TMPRSS13: variants seen among roughly 807,000 people sequenced by gnomAD.
The protein encoded by TMPRSS13 is transmembrane serine protease 13, also known as transmembrane protease serine 13.
TMPRSS13 carries 50 observed loss-of-function variants against 68.4 expected under a neutral mutation model. The observed-to-expected ratio is 0.73, with a 90% CI of 0.58 to 0.93. The LOEUF is 0.93. TMPRSS13 is among the 40% of genes least tolerant of loss of function. The pLI is 0.00. For synonymous variants in TMPRSS13, 267 were observed against 285.8 expected (o/e 0.93, Z 0.66); for missense variants, 615 against 729.2 (o/e 0.84, Z 1.80).
At chr11:117,904,740 CTTGT>C (rs140566079) in intron 10 of TMPRSS13, among the ~76,000 whole-genome samples, 2,614 of 151,856 alleles carry the variant, frequency 0.017, 84 homozygotes, top group African/African-American at 0.06. Context: ...ACTTCATCAT[CTTGT>C]TTAAGGCCAG....
chr11:117,907,907 G>GAATT (rs1004350533), intron 9 of TMPRSS13: 7 of 985,612 alleles, frequency 7.1e-6, no homozygotes, highest in Non-Finnish European at 7.2e-6. Flanking sequence ...GTGAATGAAT[G>GAATT]AATGAATGAA....
At position 117,902,188 on chromosome 11, in the gene TMPRSS13, G is replaced by A; in HGVS notation, c.*51C>T. 1 of 1,610,806 alleles carries A rather than the reference G, an allele frequency of 6.2e-7. No individual in the cohort carries two copies. The highest frequency in any genetic ancestry group is 1.1e-5 in the South Asian group (1 of 90,888). On this transcript the variant is annotated 3_prime_UTR_variant, in exon 13 of 13. Transcript: ENST00000524993. ...GATGCCACACATGGCCAGTCACCAT[G>A]GCCAGAGTCTTCACAGCAGCCGGTG...
At chr11:117,909,774 A>G (rs2057501707) in intron 8 of TMPRSS13, 32 bp downstream of exon 8, 1 of 1,594,084 alleles carries the variant, frequency 6.3e-7, no homozygotes. Context: ...GACCCTGGGC[A>G]GTGTCAAATC....
chr11:117,905,562 A>T (rs570619497), intron 10 of TMPRSS13, 76 bp downstream of exon 10: 4 of 1,278,066 alleles, frequency 3.1e-6, no homozygotes, highest in Non-Finnish European at 4.4e-6. Flanking sequence ...ACCCAGACAC[A>T]TTGCTTACAC....
chr11:117,918,133 T>C (rs2057597230), intron 2 of TMPRSS13, among the ~76,000 whole-genome samples: 1 of 152,194 alleles, frequency 6.6e-6, no homozygotes, highest in African/African-American at 2.4e-5. Flanking sequence ...ACCGGTGCTC[T>C]GACCTGGGTT....
At chr11:117,918,269 T>A in intron 2 of TMPRSS13, 140 bp downstream of exon 2, 1 of 1,061,492 alleles carries the variant, frequency 9.4e-7, no homozygotes, top group Non-Finnish European at 1.3e-6. Flanking sequence ...CACCCTCAGG[T>A]CCCTCACTTC....
chr11:117,901,083 A>G lies in TMPRSS13; in HGVS notation c.*1156T>C, dbSNP rs1167189797. 1 of 152,222 alleles carries G rather than the reference A, an allele frequency of 6.6e-6. No homozygotes were observed. Among genetic ancestry groups the G allele is most frequent in the African/African-American group, 2.4e-5 (1 of 41,440 alleles). The allele number at this position is 152,222 out of a possible 1,614,324, so 9.4% of individuals were successfully genotyped here. On this transcript the variant is annotated 3_prime_UTR_variant, in exon 13 of 13. Transcript: ENST00000524993. ...ACCATGTTAGCTTTCTCTCCATAGC[A>G]GTTTTTATGTCATTGCTATGTTTCT...
At chr11:117,919,761 T>C (rs578063752) in intron 1 of TMPRSS13, among the ~76,000 whole-genome samples, 6 of 152,248 alleles carry the variant, frequency 3.9e-5, no homozygotes, top group East Asian at 1.9e-4. Context: ...ATTTTACAGA[T>C]AGGAAAGCCA....
intron 9 of TMPRSS13, among the ~76,000 whole-genome samples, chr11:117,905,987 C>T (rs1376243533): frequency 6.6e-6 from 1 of 152,230 alleles, no homozygotes; most frequent in Non-Finnish European, 1.5e-5. Flanking sequence ...TCAGTGGTTG[C>T]CCTGTGGTCA....
chr11:117,913,863 C>T lies in TMPRSS13; in HGVS notation c.723G>A (p.Gly241=). ...WDKSLLKIYS[G]SSHQWLPICS... ...AGATGGGAAGCCACTGATGGGAGGA[C>T]CCAGAGTAGATTTTAAGCAGAGACT... Residue 241 remains glycine, a synonymous_variant, in exon 5 of 13, where the codon GGG becomes GGA. Coordinates refer to ENST00000524993, the MANE Select transcript of TMPRSS13 (RefSeq NM_001077263.3). The T allele has an allele frequency of 1.2e-6, 2 of 1,613,992 alleles. No individual in the cohort carries two copies. Among genetic ancestry groups the T allele is most frequent in the Non-Finnish European group, 1.7e-6 (2 of 1,179,988 alleles).
rs2057412812 is a variant in TMPRSS13, at chr11:117,901,900, C to T, written c.*339G>A. 6 of 353,666 alleles carry T rather than the reference C, an allele frequency of 1.7e-5. No individual in the cohort carries two copies. Among genetic ancestry groups the T allele is most frequent in the Non-Finnish European group, 3.2e-5 (6 of 187,800 alleles). The allele number at this position is 353,666 out of a possible 1,614,324, so 21.9% of individuals were successfully genotyped here. On this transcript the variant is annotated 3_prime_UTR_variant, in exon 13 of 13. Coordinates refer to ENST00000524993, the MANE Select transcript of TMPRSS13 (RefSeq NM_001077263.3). Reference sequence around the variant, plus strand: ...GGGTCAGAGAAGCAAGAATTCCCAGCTCTTCCTTGGGCTCTGGGCTCCACC... The same window carrying T: ...GGGTCAGAGAAGCAAGAATTCCCAGTTCTTCCTTGGGCTCTGGGCTCCACC...
At chr11:117,908,477 C>G (rs1281141479) in intron 9 of TMPRSS13, 135 bp downstream of exon 9, 1 of 922,324 alleles carries the variant, frequency 1.1e-6, no homozygotes, top group South Asian at 1.5e-5. Context: ...ATGTAAGGAT[C>G]TTTAAGAGTC....
At position 117,905,777 on chromosome 11, in the gene TMPRSS13, G is replaced by T. The variant is rs763893712; in HGVS notation, c.1283-41C>A. On this transcript the variant is annotated intron_variant, in intron 9 of 12. Coordinates refer to ENST00000524993, the MANE Select transcript of TMPRSS13 (RefSeq NM_001077263.3). ...CAGACGTCAGTGAAGGAACAAGGCT[G>T]AGACTTTCAGTAGGGGGAGGGAGAA... 5 of 1,498,146 alleles carry T rather than the reference G, an allele frequency of 3.3e-6. No individual in the cohort carries two copies. The Admixed American group carries it at 7.7e-5, about 23-fold the overall frequency. The allele number at this position is 1,498,146 out of a possible 1,614,324, so 92.8% of individuals were successfully genotyped here.
chr11:117,905,648 C>A lies in TMPRSS13; in HGVS notation c.1371G>T (p.Arg457Ser), dbSNP rs201556502. Residue 457 changes from arginine to serine, a missense_variant, in exon 10 of 13, where the codon AGG (arginine) becomes AGT (serine). Transcript: ENST00000524993. ...TCWITGFGKT[R>S]ETDDKTSPFL... is the part of the protein sequence containing the mutation. ...ATCTTTGCCTCTTACCATCTGTCTC[C>A]CTGGTCTTGCCAAAGCCTGTGATCC... 3.3e-4 allele frequency: 527 copies of A among 1,600,486 alleles called. 1 individual carries two copies. Among genetic ancestry groups the A allele is most frequent in the Non-Finnish European group, 4.3e-4 (502 of 1,171,988 alleles).
At chr11:117,927,130 TCAAA>T (rs143630123) in intron 1 of TMPRSS13, among the ~76,000 whole-genome samples, 471 of 152,348 alleles carry the variant, frequency 3.1e-3, no homozygotes, top group African/African-American at 1.0e-2. Context: ...AGCCAACTGT[TCAAA>T]CAGTGTTCAA....
intron 1 of TMPRSS13, among the ~76,000 whole-genome samples, chr11:117,923,809 A>G (rs2057670579): frequency 7.2e-6 from 1 of 139,664 alleles, no homozygotes; most frequent in Admixed American, 7.8e-5. Flanking sequence ...CGTTGTGCAC[A>G]TGTACCCTAG....
intron 1 of TMPRSS13, among the ~76,000 whole-genome samples, chr11:117,925,082 A>G (rs1410802469): frequency 6.6e-6 from 1 of 152,210 alleles, no homozygotes; most frequent in Non-Finnish European, 1.5e-5. Context: ...TTGGACAATC[A>G]GCAGTTTTCA....
intron 1 of TMPRSS13, among the ~76,000 whole-genome samples, chr11:117,923,627 T>G (rs547851590): frequency 4.5e-4 from 69 of 151,854 alleles, no homozygotes; most frequent in Non-Finnish European, 9.1e-4. Context: ...TCTCCCGCAA[T>G]TGAACAATGA....
chr11:117,924,357 C>G (rs1263967143), intron 1 of TMPRSS13, among the ~76,000 whole-genome samples: 2 of 152,080 alleles, frequency 1.3e-5, no homozygotes, highest in Non-Finnish European at 2.9e-5. Flanking sequence ...CAACACTCTG[C>G]TCTTCCCCTC....
Sources: gnomAD v4.1 joint callset for allele counts (sites outside exome capture counted in the v4.1 genomes callset) on GRCh38, gnomAD v4.1.1 for gene constraint, MANE v1.5 for transcripts, NCBI Gene and HGNC (gene_info 2026-07-23, HGNC 2026-07-21) for gene names.